Variants in RELN observed in about 807,000 individuals in gnomAD.
The protein encoded by RELN is reelin.
A neutral mutation model predicts 427.6 loss-of-function variants in RELN; 108 were observed. The ratio of observed to expected loss-of-function variants is 0.25; its 90% CI spans 0.22 to 0.30. The LOEUF (loss-of-function observed/expected upper bound fraction) is 0.30, where lower values mean the gene tolerates loss of function less well. Ranked by LOEUF, RELN falls within the 10% of genes least tolerant of loss-of-function variation. The pLI is 1.00. For missense variants in RELN, 3,715 were observed against 4,302.8 expected, an observed-to-expected ratio of 0.86 and a Z score of 3.82; for synonymous variants, 1,524 against 1,513.4, an observed-to-expected ratio of 1.01 and a Z score of -0.16.
chr7:103,833,394 C>T (rs1287119229), intron 3 of RELN, 143 bp downstream of exon 3: 3 of 863,340 alleles, frequency 3.5e-6, no homozygotes, highest in Non-Finnish European at 3.8e-6. Context: ...AAGTTTTTAC[C>T]TTTTTTGGCA....
intron 2 of RELN, among the ~76,000 whole-genome samples, chr7:103,888,503 A>T (rs1406156867): frequency 6.6e-6 from 1 of 152,156 alleles, no homozygotes; most frequent in Non-Finnish European, 1.5e-5. Context: ...ACACTTATAA[A>T]CAACTTTTGG....
intron 50 of RELN, chr7:103,513,973 A>G (rs1328153554): frequency 6.6e-6 from 1 of 152,174 alleles, no homozygotes; most frequent in East Asian, 1.9e-4. Context: ...CTTTTACAAG[A>G]AAATATGAAC....
At chr7:103,716,557 A>G (rs1789943319) in intron 8 of RELN, among the ~76,000 whole-genome samples, 1 of 152,214 alleles carries the variant, frequency 6.6e-6, no homozygotes, top group East Asian at 1.9e-4. Flanking sequence ...TTCATTTAGC[A>G]TACTCCCTTG....
At chr7:103,497,380 A>G (rs566386271) in intron 55 of RELN, among the ~76,000 whole-genome samples, 43 of 152,364 alleles carry the variant, frequency 2.8e-4, no homozygotes, top group African/African-American at 9.9e-4. Context: ...CTATTAAAAT[A>G]TTCTATGACA....
chr7:103,545,186 T>C lies in RELN; in HGVS notation c.6461A>G (p.Tyr2154Cys), dbSNP rs746388558. 8 of 1,614,156 alleles carry C rather than the reference T, an allele frequency of 5.0e-6. No individual in the cohort carries two copies. The South Asian group carries it at 6.6e-5, about 13-fold the overall frequency. ...GCTTATTTTACAGGTTGGACCTGAGTAGCCAGGGTCACATATACATTTGGT... is the reference window on the plus strand; with the variant it reads ...GCTTATTTTACAGGTTGGACCTGAGCAGCCAGGGTCACATATACATTTGGT... Reference protein sequence around the residue: ...NGTKCICDPGYSGPTCKISTK... With the variant: ...NGTKCICDPGCSGPTCKISTK... Residue 2154 changes from tyrosine (Y) to cysteine (C), a missense_variant, in exon 42 of 65, where the codon TAC (tyrosine) becomes TGC (cysteine). Transcript: ENST00000428762.
At chr7:103,702,152 C>A (rs1834106872) in intron 8 of RELN, among the ~76,000 whole-genome samples, 1 of 152,208 alleles carries the variant, frequency 6.6e-6, no homozygotes. Context: ...GGAAACCCAC[C>A]TTATGCTACT....
intron 1 of RELN, among the ~76,000 whole-genome samples, chr7:103,926,382 C>G (rs540293131): frequency 1.5e-4 from 23 of 152,138 alleles, no homozygotes; most frequent in Non-Finnish European, 2.9e-4. Flanking sequence ...GCGTGAGCCA[C>G]TGCACCTGGC....
intron 1 of RELN, among the ~76,000 whole-genome samples, chr7:103,924,072 CCTGAACGGA>C (rs1375269289): frequency 1.3e-5 from 2 of 152,126 alleles, no homozygotes; most frequent in Non-Finnish European, 2.9e-5. Flanking sequence ...TGTTCCCCAA[CCTGAACGGA>C]CTGCAGTAAG....
At chr7:103,771,040 G>A (rs572154043) in intron 4 of RELN, among the ~76,000 whole-genome samples, 72 of 150,244 alleles carry the variant, frequency 4.8e-4, no homozygotes, top group Middle Eastern at 3.5e-3. Flanking sequence ...CTCGGCTTCT[G>A]GAGTAGCTGG....
intron 12 of RELN, among the ~76,000 whole-genome samples, chr7:103,657,681 A>T (rs1196694539): frequency 6.6e-6 from 1 of 152,118 alleles, no homozygotes; most frequent in East Asian, 1.9e-4. Flanking sequence ...AGGAGCCAAG[A>T]CTTTAAAATG....
At chr7:103,475,008 C>T (rs1438134701) in intron 64 of RELN, among the ~76,000 whole-genome samples, 2 of 152,180 alleles carry the variant, frequency 1.3e-5, no homozygotes, top group African/African-American at 4.8e-5. Context: ...TATGGAGCAA[C>T]AGCTAAGCCA....
intron 2 of RELN, among the ~76,000 whole-genome samples, chr7:103,842,122 G>A (rs1793566003): frequency 1.3e-5 from 2 of 151,964 alleles, no homozygotes; most frequent in Non-Finnish European, 2.9e-5. Flanking sequence ...AGGAAGTTTA[G>A]CAAAGTTATC....
chr7:103,655,579 C>T (rs1482817230), intron 12 of RELN, among the ~76,000 whole-genome samples: 1 of 151,980 alleles, frequency 6.6e-6, no homozygotes, highest in African/African-American at 2.4e-5. Flanking sequence ...TCAAACTCGA[C>T]CTGAGTAATT....
intron 34 of RELN, among the ~76,000 whole-genome samples, chr7:103,562,207 A>G (rs1830659561): frequency 6.6e-6 from 1 of 152,270 alleles, no homozygotes; most frequent in East Asian, 1.9e-4. Flanking sequence ...CTACAAACAC[A>G]TGTGTGAAAT....
chr7:103,496,196 A>G (rs1264645422), intron 56 of RELN, among the ~76,000 whole-genome samples: 2 of 152,174 alleles, frequency 1.3e-5, no homozygotes, highest in African/African-American at 4.8e-5. Flanking sequence ...AAAGTTCTTG[A>G]TACACTTTGT....
intron 19 of RELN, 93 bp downstream of exon 19, chr7:103,635,332 A>C (rs1466094314): frequency 7.0e-7 from 1 of 1,434,866 alleles, no homozygotes; most frequent in African/African-American, 1.4e-5. Flanking sequence ...CTGTCAATGG[A>C]AAAATATCTA....
intron 41 of RELN, among the ~76,000 whole-genome samples, chr7:103,545,882 C>G (rs1057137643): frequency 6.6e-6 from 1 of 152,168 alleles, no homozygotes; most frequent in African/African-American, 2.4e-5. Flanking sequence ...GCGATCCGCC[C>G]ACATCAGCCT....
chr7:103,832,117 G>T (rs1337443707), intron 3 of RELN, among the ~76,000 whole-genome samples: 1 of 152,112 alleles, frequency 6.6e-6, no homozygotes, highest in Admixed American at 6.6e-5. Flanking sequence ...AGTGATGTCT[G>T]ACCCATAGAA....
At chr7:103,676,931 C>G (rs557423177) in intron 11 of RELN, among the ~76,000 whole-genome samples, 2 of 151,960 alleles carry the variant, frequency 1.3e-5, no homozygotes, top group African/African-American at 2.4e-5. Flanking sequence ...GGAGATATAT[C>G]TAATATAAAT....
Sources: gnomAD v4.1 joint callset for allele counts (sites outside exome capture counted in the v4.1 genomes callset) on GRCh38, gnomAD v4.1.1 for gene constraint, MANE v1.5 for transcripts, NCBI Gene and HGNC (gene_info 2026-07-23, HGNC 2026-07-21) for gene names.